REEP3: variants seen among roughly 807,000 people sequenced by gnomAD.
REEP3 encodes receptor expression-enhancing protein 3.
A neutral mutation model predicts 41.3 loss-of-function variants in REEP3; 20 were observed. That is an observed-to-expected ratio of 0.48 (90% CI 0.34 to 0.70). REEP3 has a LOEUF of 0.70. Among genes scored for constraint, REEP3 ranks in the 30% least tolerant of loss-of-function variants. REEP3 has a pLI of 0.01. For synonymous variants in REEP3, 104 were observed against 101.8 expected, an observed-to-expected ratio of 1.02 and a Z score of -0.13; for missense variants, 271 against 308.8, an observed-to-expected ratio of 0.88 and a Z score of 0.92.
intron 1 of REEP3, among the ~76,000 whole-genome samples, chr10:63,551,828 A>G (rs1955631380): frequency 2.0e-5 from 3 of 152,196 alleles, no homozygotes; most frequent in Non-Finnish European, 1.5e-5. Flanking sequence ...GGAAAATTTG[A>G]ATAAAGTATG....
intron 2 of REEP3, among the ~76,000 whole-genome samples, chr10:63,569,592 C>T (rs143623876): frequency 3.3e-5 from 5 of 151,458 alleles, no homozygotes; most frequent in African/African-American, 9.7e-5. Context: ...CTAAAATAAA[C>T]GTCAAAGGTA....
rs1188446359 is a variant in REEP3, at chr10:63,565,371, G to A, written c.33-967G>A. On this transcript the variant is annotated intron_variant, in intron 1 of 7. Coordinates refer to ENST00000373758, the MANE Select transcript of REEP3 (RefSeq NM_001001330.3). ...CATTGTAAACTGTGTATACTGTGTC[G>A]TGAGATTTCTGTGTCTATCTTTTCA... Among the ~76,000 whole-genome samples, 7 of 152,184 alleles carry A rather than the reference G, an allele frequency of 4.6e-5. No homozygotes were observed. In the East Asian group the frequency reaches 7.7e-4, roughly 17 times the overall value.
intron 2 of REEP3, among the ~76,000 whole-genome samples, chr10:63,577,571 A>G (rs1182883804): frequency 6.6e-6 from 1 of 151,898 alleles, no homozygotes; most frequent in African/African-American, 2.4e-5. Context: ...CTACAGGCAC[A>G]TGGCACCACA....
chr10:63,583,704 T>C (rs767246173), intron 2 of REEP3, among the ~76,000 whole-genome samples: 1 of 152,218 alleles, frequency 6.6e-6, no homozygotes, highest in Non-Finnish European at 1.5e-5. Flanking sequence ...CAGTCTATAT[T>C]TGAATAGTCT....
chr10:63,597,691 C>T (rs2133409955), intron 3 of REEP3, among the ~76,000 whole-genome samples: 1 of 152,228 alleles, frequency 6.6e-6, no homozygotes, highest in South Asian at 2.1e-4. Context: ...GTGGGCGGAT[C>T]ACATGAGGTC....
chr10:63,531,116 C>T (rs775664079), intron 1 of REEP3, among the ~76,000 whole-genome samples: 44 of 152,164 alleles, frequency 2.9e-4, no homozygotes, highest in Non-Finnish European at 4.9e-4. Context: ...AGATGGCATA[C>T]TCACTAAAAC....
At chr10:63,614,013 A>G (rs537037165) in intron 6 of REEP3, among the ~76,000 whole-genome samples, 5 of 152,318 alleles carry the variant, frequency 3.3e-5, no homozygotes, top group South Asian at 2.1e-4. Flanking sequence ...GGAAAAAAAC[A>G]TAAAAAAGAC....
chr10:63,529,541 G>A (rs1263816380), intron 1 of REEP3, among the ~76,000 whole-genome samples: 1 of 151,936 alleles, frequency 6.6e-6, no homozygotes, highest in Non-Finnish European at 1.5e-5. Flanking sequence ...TGGTTCACTG[G>A]AGCCTCAAAC....
chr10:63,536,003 A>G (rs1321760236), intron 1 of REEP3, among the ~76,000 whole-genome samples: 2 of 152,226 alleles, frequency 1.3e-5, no homozygotes, highest in African/African-American at 4.8e-5. Flanking sequence ...ATAGCCTACC[A>G]TGTATCTGAT....
intron 1 of REEP3, among the ~76,000 whole-genome samples, chr10:63,556,617 TTTTTTTTTGTTGTTTTG>T (rs1564477574): frequency 0.4 from 3,645 of 9,186 alleles, 529 homozygotes; most frequent in East Asian, 0.55. Flanking sequence ...TTTGCTTGTT[TTTTTTTTTGTTGTTTTG>T]TTTTTTTTTT....
chr10:63,560,230 A>G (rs1176821739), intron 1 of REEP3, among the ~76,000 whole-genome samples: 3 of 152,174 alleles, frequency 2.0e-5, no homozygotes, highest in Admixed American at 2.0e-4. Flanking sequence ...TTTAAAAAGA[A>G]TGACAAGAAG....
At chr10:63,563,253 CA>C (rs1211859855) in intron 1 of REEP3, among the ~76,000 whole-genome samples, 1 of 152,142 alleles carries the variant, frequency 6.6e-6, no homozygotes, top group African/African-American at 2.4e-5. Context: ...TAAATTAAAA[CA>C]AAAGATAATA....
chr10:63,574,424 C>G (rs1955879600), intron 2 of REEP3, among the ~76,000 whole-genome samples: 1 of 152,198 alleles, frequency 6.6e-6, no homozygotes, highest in Non-Finnish European at 1.5e-5. Context: ...CCATTACTAG[C>G]TCTACCTTTG....
chr10:63,587,747 C>T (rs1335492858), intron 2 of REEP3, among the ~76,000 whole-genome samples: 3 of 152,164 alleles, frequency 2.0e-5, no homozygotes, highest in African/African-American at 4.8e-5. Context: ...CCCCACTTCT[C>T]AAAAGCCTCA....
At chr10:63,546,138 C>A (rs1485257007) in intron 1 of REEP3, among the ~76,000 whole-genome samples, 2 of 152,118 alleles carry the variant, frequency 1.3e-5, no homozygotes, top group Non-Finnish European at 2.9e-5. Context: ...GGAACTGGCT[C>A]TGAGTGAGGT....
Position 63,522,265 on chromosome 10 carries a change from T to G in REEP3, c.32+688T>G, listed in dbSNP as rs376087159. Among the ~76,000 whole-genome samples, 16 of 151,960 alleles carry G rather than the reference T, an allele frequency of 1.1e-4. No homozygotes were observed. In the East Asian group the frequency reaches 2.3e-3, roughly 22 times the overall value. ...CCAGATCCCCGAATTCGGCCCTGTC[T>G]CGGCGGAAATATTTGCTAAGTGATT... On this transcript the variant is annotated intron_variant, in intron 1 of 7. Coordinates refer to ENST00000373758, the MANE Select transcript of REEP3 (RefSeq NM_001001330.3).
chr10:63,599,739 G>A, intron 5 of REEP3: 5 of 968,254 alleles, frequency 5.2e-6, no homozygotes, highest in Non-Finnish European at 6.1e-6. Flanking sequence ...AATAAGGCAT[G>A]AAAAAGTCTG....
chr10:63,554,549 C>T (rs1259774687), intron 1 of REEP3, among the ~76,000 whole-genome samples: 1 of 152,114 alleles, frequency 6.6e-6, no homozygotes, highest in Non-Finnish European at 1.5e-5. Flanking sequence ...CACAGGTCTT[C>T]AAATTAGAAG....
At chr10:63,591,662 C>A (rs1239319249) in intron 2 of REEP3, among the ~76,000 whole-genome samples, 1 of 152,156 alleles carries the variant, frequency 6.6e-6, no homozygotes, top group Non-Finnish European at 1.5e-5. Flanking sequence ...TAGGAAAAAA[C>A]ATATATTTTA....
Sources: gnomAD v4.1 joint callset for allele counts (sites outside exome capture counted in the v4.1 genomes callset) on GRCh38, gnomAD v4.1.1 for gene constraint, MANE v1.5 for transcripts, NCBI Gene and HGNC (gene_info 2026-07-23, HGNC 2026-07-21) for gene names.